The following ASB4 variants were observed in gnomAD, a reference collection of about 807,000 sequenced individuals.
ASB4 encodes ankyrin repeat and SOCS box protein 4.
In ASB4, 35 loss-of-function variants were observed where a neutral mutation model predicts 38.6. That is an observed-to-expected ratio of 0.91 (90% confidence interval 0.69 to 1.20). The LOEUF is 1.20. ASB4 is among the 50% of genes most tolerant of loss of function. The pLI is 0.00. For synonymous variants in ASB4, 195 were observed against 201.3 expected, an observed-to-expected ratio of 0.97 and a Z score of 0.26; for missense variants, 557 against 527.2, an observed-to-expected ratio of 1.06 and a Z score of -0.55.
intron 2 of ASB4, among the ~76,000 whole-genome samples, chr7:95,511,598 G>C (rs1048764381): frequency 6.6e-6 from 1 of 151,786 alleles, no homozygotes; most frequent in Non-Finnish European, 1.5e-5. Flanking sequence ...GGAGGCCGAG[G>C]GTGCGGTGAG....
intron 2 of ASB4, among the ~76,000 whole-genome samples, chr7:95,515,241 T>TTC (rs1276076590): frequency 2.1e-5 from 3 of 144,968 alleles, no homozygotes; most frequent in South Asian, 2.3e-4. Flanking sequence ...TTTTCTTTCT[T>TTC]TCTTTCTTTC....
chr7:95,507,582 C>T (rs1463965123), intron 2 of ASB4, among the ~76,000 whole-genome samples: 2 of 152,090 alleles, frequency 1.3e-5, no homozygotes, highest in African/African-American at 4.8e-5. Context: ...CCTCACTAAA[C>T]CATAAGTTTC....
chr7:95,506,068 A>C (rs753744287), intron 2 of ASB4, among the ~76,000 whole-genome samples: 9 of 151,862 alleles, frequency 5.9e-5, no homozygotes, highest in Non-Finnish European at 1.0e-4. Context: ...AATTTTTAAA[A>C]AATTATTTTT....
chr7:95,524,710 C>T (rs895663933), intron 2 of ASB4, among the ~76,000 whole-genome samples: 1 of 152,104 alleles, frequency 6.6e-6, no homozygotes, highest in African/African-American at 2.4e-5. Context: ...TAAGGTTGTT[C>T]CCTATTGCAG....
chr7:95,487,331 A>C (rs1295378173), intron 1 of ASB4, among the ~76,000 whole-genome samples: 1 of 152,214 alleles, frequency 6.6e-6, no homozygotes, highest in Admixed American at 6.5e-5. Flanking sequence ...GGTCTGTTAG[A>C]AAATTTGTAT....
At chr7:95,550,710 A>G in the ASB4 span, among the ~76,000 whole-genome samples, 1 of 152,154 alleles carries the variant, frequency 6.6e-6, no homozygotes, top group African/African-American at 2.4e-5. Context: ...AAAATAGTCA[A>G]CAACTTTGTC....
At chr7:95,520,553 T>G (rs1383531156) in intron 2 of ASB4, among the ~76,000 whole-genome samples, 1 of 152,210 alleles carries the variant, frequency 6.6e-6, no homozygotes, top group African/African-American at 2.4e-5. Flanking sequence ...TTCCAATCCC[T>G]ACTTCTACAC....
At chr7:95,511,943 C>A (rs1022634302) in intron 2 of ASB4, among the ~76,000 whole-genome samples, 1 of 152,124 alleles carries the variant, frequency 6.6e-6, no homozygotes, top group Non-Finnish European at 1.5e-5. Flanking sequence ...CTCGGGACTG[C>A]CTTGGGTGAC....
intron 1 of ASB4, among the ~76,000 whole-genome samples, chr7:95,489,408 T>C (rs1387810024): frequency 6.6e-6 from 1 of 152,234 alleles, no homozygotes; most frequent in African/African-American, 2.4e-5. Context: ...CCAGAGTTCA[T>C]GTTCAAACTG....
intron 2 of ASB4, among the ~76,000 whole-genome samples, chr7:95,506,181 A>G (rs1790405681): frequency 6.6e-6 from 1 of 152,214 alleles, no homozygotes; most frequent in African/African-American, 2.4e-5. Context: ...TATAGGTGTG[A>G]GGCATTGTAC....
intron 2 of ASB4, among the ~76,000 whole-genome samples, chr7:95,500,568 CAAAAAAA>C (rs771099175): frequency 2.0e-4 from 8 of 41,010 alleles, no homozygotes; most frequent in Non-Finnish European, 3.1e-4. Flanking sequence ...AGATCTGTCT[CAAAAAAA>C]AAAAAAAAAA....
intron 2 of ASB4, among the ~76,000 whole-genome samples, chr7:95,502,297 G>A (rs1024355204): frequency 3.3e-5 from 5 of 150,778 alleles, no homozygotes; most frequent in African/African-American, 4.9e-5. Context: ...TGTTTGTTAC[G>A]TTAATAAGCA....
At chr7:95,544,191 AG>A (rs1791005767), downstream of ASB4, 1 of 152,344 alleles carries the variant, frequency 6.6e-6, no homozygotes, top group African/African-American at 2.4e-5. Flanking sequence ...CATTAAAAAA[AG>A]AAAGAAATGT....
At chr7:95,536,037 T>C (rs1427285982) in intron 3 of ASB4, among the ~76,000 whole-genome samples, 2 of 152,218 alleles carry the variant, frequency 1.3e-5, no homozygotes, top group Non-Finnish European at 2.9e-5. Context: ...GCAAAGTAAT[T>C]CTTCAATTCT....
chr7:95,482,000 GC>G (rs1269883830), upstream of ASB4, among the ~76,000 whole-genome samples: 4 of 152,178 alleles, frequency 2.6e-5, no homozygotes, highest in Non-Finnish European at 5.9e-5. Flanking sequence ...TGAAGCGGTG[GC>G]TTGGATAGTG....
chr7:95,498,330 T>C (rs1790281333), intron 2 of ASB4, among the ~76,000 whole-genome samples: 1 of 152,214 alleles, frequency 6.6e-6, no homozygotes, highest in Non-Finnish European at 1.5e-5. Flanking sequence ...AGCTAACATA[T>C]TGGCTAACAT....
intron 2 of ASB4, among the ~76,000 whole-genome samples, chr7:95,516,495 G>A (rs10278137): frequency 0.035 from 5,254 of 152,128 alleles, 109 homozygotes; most frequent in Middle Eastern, 0.075. Context: ...ATAAACATGG[G>A]TTCAATGAAA....
intron 1 of ASB4, among the ~76,000 whole-genome samples, chr7:95,479,476 T>G (rs1383003912): frequency 6.6e-6 from 1 of 152,216 alleles, no homozygotes; most frequent in African/African-American, 2.4e-5. Context: ...TAGTTTTAAT[T>G]GTACTAGCTT....
intron 3 of ASB4, among the ~76,000 whole-genome samples, chr7:95,534,396 G>C (rs1157674656): frequency 6.6e-6 from 1 of 151,264 alleles, no homozygotes; most frequent in Non-Finnish European, 1.5e-5. Context: ...TCCCAGATTA[G>C]TATGTTCCTT....
Sources: allele counts gnomAD v4.1 joint callset (sites outside exome capture counted in the v4.1 genomes callset), GRCh38; gene constraint gnomAD v4.1.1; transcripts MANE v1.5; gene names NCBI Gene and HGNC (gene_info 2026-07-23, HGNC 2026-07-21).